Variants in SLC14A2 observed in about 807,000 individuals in gnomAD.
SLC14A2 encodes urea transporter 2.
SLC14A2 carries 91 observed loss-of-function variants against 104.6 expected under a neutral mutation model. That is an observed-to-expected ratio of 0.87 (90% CI 0.73 to 1.04). The LOEUF is 1.04. SLC14A2 is among the 50% of genes least tolerant of loss of function. SLC14A2 has a pLI of 0.00. For synonymous variants in SLC14A2, 476 were observed against 466.4 expected (o/e 1.02, Z -0.27); for missense variants, 1,189 against 1,156.0 (o/e 1.03, Z -0.41).
intron 2 of SLC14A2, among the ~76,000 whole-genome samples, chr18:45,508,936 G>A (rs1036570515): frequency 6.6e-6 from 1 of 152,166 alleles, no homozygotes; most frequent in African/African-American, 2.4e-5. Context: ...TGACCTTTGA[G>A]TTGATTTCAT....
At chr18:45,365,619 C>A (rs537709444) in intron 1 of SLC14A2, among the ~76,000 whole-genome samples, 22 of 152,258 alleles carry the variant, frequency 1.4e-4, no homozygotes, top group African/African-American at 4.8e-4. Context: ...TCGTATCATG[C>A]CCAGCATCGC....
intron 2 of SLC14A2, among the ~76,000 whole-genome samples, chr18:45,533,046 G>A (rs2144837146): frequency 6.6e-6 from 1 of 152,318 alleles, no homozygotes. Flanking sequence ...CAGGGATGAA[G>A]CCCACTTGAT....
intron 2 of SLC14A2, among the ~76,000 whole-genome samples, chr18:45,577,614 C>T (rs2044434260): frequency 6.6e-6 from 1 of 152,114 alleles, no homozygotes; most frequent in Admixed American, 6.5e-5. Flanking sequence ...CTGTTAGCAC[C>T]CCATTTCCCA....
chr18:45,268,976 G>GTGTGTGTGTGTGTGTA (rs771261044), intron 1 of SLC14A2, among the ~76,000 whole-genome samples: 2,484 of 151,694 alleles, frequency 0.016, 56 homozygotes, highest in Middle Eastern at 0.044. Context: ...GTGTGTGTGT[G>GTGTGTGTGTGTGTGTA]TGTGTGTGTG....
chr18:45,282,046 G>T (rs2084767855), intron 1 of SLC14A2, among the ~76,000 whole-genome samples: 1 of 152,138 alleles, frequency 6.6e-6, no homozygotes, highest in Non-Finnish European at 1.5e-5. Flanking sequence ...CTGGAATGCT[G>T]AGTCTTGGTG....
At chr18:45,587,643 C>A (rs2044586998) in intron 2 of SLC14A2, among the ~76,000 whole-genome samples, 1 of 152,116 alleles carries the variant, frequency 6.6e-6, no homozygotes, top group Admixed American at 6.5e-5. Context: ...CCTTATGAGG[C>A]TGTTGAGCCA....
chr18:45,584,696 G>A (rs1012962170), intron 2 of SLC14A2, among the ~76,000 whole-genome samples: 2 of 152,150 alleles, frequency 1.3e-5, no homozygotes, highest in Non-Finnish European at 2.9e-5. Context: ...AGAGGCCCAG[G>A]CATCAGAAGT....
At chr18:45,543,686 T>TC (rs1304048465) in intron 2 of SLC14A2, among the ~76,000 whole-genome samples, 16 of 152,024 alleles carry the variant, frequency 1.1e-4, no homozygotes, top group Non-Finnish European at 2.4e-4. Context: ...AACTCACCTC[T>TC]CCCCCATGAA....
At chr18:45,175,683 G>A in the SLC14A2 span, among the ~76,000 whole-genome samples, 1 of 152,158 alleles carries the variant, frequency 6.6e-6, no homozygotes, top group East Asian at 1.9e-4. Context: ...GCTGTTCGCT[G>A]AGACGGGTTA....
intron 2 of SLC14A2, among the ~76,000 whole-genome samples, chr18:45,549,144 C>A (rs2044016991): frequency 6.6e-6 from 1 of 152,254 alleles, no homozygotes; most frequent in Non-Finnish European, 1.5e-5. Context: ...GGACAAAGGA[C>A]TGGCAATGTG....
Position 45,457,070 on chromosome 18 carries a change from A to T in SLC14A2, c.-124-26163A>T, listed in dbSNP as rs559552942. On this transcript the variant is annotated intron_variant, in intron 1 of 20. Coordinates refer to the SLC14A2 transcript ENST00000586448. ...TAGGGAGCACACAGCAATACAAATTAAAAAAAAATCAATTCCACTTTGGGT... is the reference window on the plus strand; with the variant it reads ...TAGGGAGCACACAGCAATACAAATTTAAAAAAAATCAATTCCACTTTGGGT... Among the ~76,000 whole-genome samples, 19 of 151,882 alleles carry T rather than the reference A, an allele frequency of 1.3e-4. No individual in the cohort carries two copies. The East Asian group carries it at 2.5e-3, about 20-fold the overall frequency.
chr18:45,200,600 G>A, the SLC14A2 span, among the ~76,000 whole-genome samples: 7 of 151,804 alleles, frequency 4.6e-5, no homozygotes, highest in African/African-American at 1.7e-4. Context: ...GTCATTTTTA[G>A]TATTAAAGAA....
chr18:45,334,334 G>A (rs2085317601), intron 1 of SLC14A2, among the ~76,000 whole-genome samples: 1 of 152,182 alleles, frequency 6.6e-6, no homozygotes, highest in South Asian at 2.1e-4. Context: ...GCATGAGGAA[G>A]CACTGGAGAC....
intron 2 of SLC14A2, among the ~76,000 whole-genome samples, chr18:45,518,589 G>T (rs1016947703): frequency 6.6e-6 from 1 of 152,330 alleles, no homozygotes; most frequent in East Asian, 1.9e-4. Context: ...GAAGAGACTT[G>T]TTAACTTGCC....
chr18:45,511,091 ATTG>A (rs2043359654), intron 2 of SLC14A2, among the ~76,000 whole-genome samples: 1 of 131,738 alleles, frequency 7.6e-6, no homozygotes, highest in African/African-American at 2.6e-5. Context: ...CTCCCCTTTT[ATTG>A]TTGTTTTTTT....
At chr18:45,342,222 C>G (rs1220022605) in intron 1 of SLC14A2, among the ~76,000 whole-genome samples, 2 of 152,076 alleles carry the variant, frequency 1.3e-5, no homozygotes, top group Non-Finnish European at 2.9e-5. Flanking sequence ...ACTCTGTTAA[C>G]TAAAATAATA....
chr18:45,659,860 C>T (rs1273836758), intron 10 of SLC14A2, among the ~76,000 whole-genome samples: 3 of 151,100 alleles, frequency 2.0e-5, no homozygotes, highest in Non-Finnish European at 2.9e-5. Flanking sequence ...CGTGGTGGCT[C>T]ATGCTTGTAA....
At chr18:45,568,372 A>G (rs7227054) in intron 2 of SLC14A2, among the ~76,000 whole-genome samples, 62,163 of 152,136 alleles carry the variant, frequency 0.41, 13,362 homozygotes, top group East Asian at 0.63. Context: ...AGAGAAGCAG[A>G]GGGCTGCTCT....
chr18:45,551,589 G>C (rs1368881672), intron 2 of SLC14A2, among the ~76,000 whole-genome samples: 1 of 152,200 alleles, frequency 6.6e-6, no homozygotes, highest in Non-Finnish European at 1.5e-5. Context: ...GGGGAAGTGA[G>C]ATGTGTCAAC....
Sources: gnomAD v4.1 joint callset for allele counts (sites outside exome capture counted in the v4.1 genomes callset) on GRCh38, gnomAD v4.1.1 for gene constraint, MANE v1.5 for transcripts, NCBI Gene and HGNC (gene_info 2026-07-23, HGNC 2026-07-21) for gene names.